PPP1R13B: variants seen among roughly 807,000 people sequenced by gnomAD.
The protein encoded by PPP1R13B is apoptosis-stimulating of p53 protein 1.
A neutral mutation model predicts 119.8 loss-of-function variants in PPP1R13B; 44 were observed. The observed-to-expected ratio is 0.37, with a 90% CI of 0.29 to 0.47. PPP1R13B has a LOEUF of 0.47. Ranked by LOEUF, PPP1R13B falls within the 20% of genes least tolerant of loss-of-function variation. PPP1R13B has a pLI of 0.99. For missense variants in PPP1R13B, 1,227 were observed against 1,413.5 expected, an observed-to-expected ratio of 0.87 and a Z score of 2.12; for synonymous variants, 542 against 561.5, an observed-to-expected ratio of 0.97 and a Z score of 0.49.
chr14:103,793,736 TG>T (rs1291295696), intron 2 of PPP1R13B, among the ~76,000 whole-genome samples: 1 of 152,076 alleles, frequency 6.6e-6, no homozygotes, highest in East Asian at 1.9e-4. Flanking sequence ...AAGATAAAAA[TG>T]GAAGGTTTTA....
At position 103,741,980 on chromosome 14, in the gene PPP1R13B, C is replaced by T. The variant is rs768771895; in HGVS notation, c.1632G>A (p.Lys544=). 20 of 1,614,150 alleles carry T rather than the reference C, an allele frequency of 1.2e-5. No individual in the cohort carries two copies. The highest frequency in any genetic ancestry group is 1.6e-5 in the Non-Finnish European group (19 of 1,180,056). ...GPPAFPAGDS[K]PELPLTVAIR... The stretch of plus-strand genomic sequence containing the variant: ...TGGCCACTGTCAGTGGGAGTTCAGG[C>T]TTGCTGTCCCCAGCTGGAAATGCAG... The change falls in exon 11 of 17, where the codon AAG becomes AAA. Residue 544 remains lysine, a synonymous_variant. Transcript: ENST00000202556.
chr14:103,769,279 C>T (rs2085009921), intron 4 of PPP1R13B, among the ~76,000 whole-genome samples: 1 of 151,746 alleles, frequency 6.6e-6, no homozygotes, highest in African/African-American at 2.4e-5. Context: ...TTAGTAGAGA[C>T]GGGGCTTTAC....
intron 1 of PPP1R13B, among the ~76,000 whole-genome samples, chr14:103,825,190 G>A (rs1251117061): frequency 6.6e-6 from 1 of 152,156 alleles, no homozygotes; most frequent in East Asian, 1.9e-4. Flanking sequence ...TAAGTGTTGT[G>A]TGTGTTCTGA....
intron 1 of PPP1R13B, among the ~76,000 whole-genome samples, chr14:103,833,814 T>C (rs8005225): frequency 0.45 from 67,663 of 151,914 alleles, 15,579 homozygotes; most frequent in African/African-American, 0.56. Flanking sequence ...CTGCACCTTG[T>C]ATCCTGACTT....
chr14:103,797,982 T>C (rs1418787129), intron 1 of PPP1R13B, among the ~76,000 whole-genome samples: 3 of 152,046 alleles, frequency 2.0e-5, no homozygotes, highest in Non-Finnish European at 4.4e-5. Context: ...AAGTTCCTAA[T>C]AGATCAAATA....
Position 103,844,314 on chromosome 14 carries a change from G to C in PPP1R13B, c.9+2985C>G, listed in dbSNP as rs572771124. On this transcript the variant is annotated intron_variant, in intron 1 of 16. Transcript: ENST00000202556. ...GGTGGAAAGTCACAGCACTTTGTACGACAGCAAATAGAAGACTTCTACAGA... is the reference window on the plus strand; with the variant it reads ...GGTGGAAAGTCACAGCACTTTGTACCACAGCAAATAGAAGACTTCTACAGA... 2.6e-5 allele frequency among the ~76,000 whole-genome samples: 4 copies of C among 151,926 alleles called. No individual in the cohort carries two copies. In the East Asian group the frequency reaches 5.8e-4, roughly 22 times the overall value.
At position 103,833,293 on chromosome 14, in the gene PPP1R13B, C is replaced by A. The variant is rs563242535; in HGVS notation, c.9+14006G>T. On this transcript the variant is annotated intron_variant, in intron 1 of 16. Coordinates refer to ENST00000202556, the MANE Select transcript of PPP1R13B (RefSeq NM_015316.3). Reference sequence around the variant, plus strand: ...CTCTTACCTCCTTTGGCCTCATATCCTAGGCAACTTCCCTCAACATACCAT... The same window carrying A: ...CTCTTACCTCCTTTGGCCTCATATCATAGGCAACTTCCCTCAACATACCAT... Among the ~76,000 whole-genome samples the A allele has an allele frequency of 2.0e-5, 3 of 152,240 alleles. 1 individual carries two copies. The South Asian group carries it at 6.2e-4, about 32-fold the overall frequency.
chr14:103,754,857 G>A (rs1223181926), intron 5 of PPP1R13B, among the ~76,000 whole-genome samples: 1 of 151,606 alleles, frequency 6.6e-6, no homozygotes, highest in African/African-American at 2.4e-5. Context: ...TCGGCTCACT[G>A]CAAGCTCTGC....
intron 5 of PPP1R13B, among the ~76,000 whole-genome samples, chr14:103,755,813 C>G (rs1189674069): frequency 1.3e-5 from 2 of 152,134 alleles, no homozygotes; most frequent in Admixed American, 1.3e-4. Flanking sequence ...TCTTAGAAAT[C>G]TTATTAATGG....
intron 1 of PPP1R13B, among the ~76,000 whole-genome samples, chr14:103,841,398 G>A (rs958709600): frequency 6.6e-6 from 1 of 150,994 alleles, no homozygotes; most frequent in Non-Finnish European, 1.5e-5. Context: ...GACCAGCCTG[G>A]CCAACGCGGT....
At chr14:103,819,845 T>C (rs2086365907) in intron 1 of PPP1R13B, among the ~76,000 whole-genome samples, 1 of 152,200 alleles carries the variant, frequency 6.6e-6, no homozygotes. Context: ...AGTTGGTTTC[T>C]GCCACTTGAA....
At chr14:103,829,898 C>T (rs1001678021) in intron 1 of PPP1R13B, among the ~76,000 whole-genome samples, 2 of 152,048 alleles carry the variant, frequency 1.3e-5, no homozygotes, top group African/African-American at 4.8e-5. Flanking sequence ...CCCGAGTCAG[C>T]CTCCCAAGTA....
intron 2 of PPP1R13B, among the ~76,000 whole-genome samples, chr14:103,789,007 C>G (rs116904490): frequency 4.3e-4 from 65 of 152,150 alleles, no homozygotes; most frequent in Middle Eastern, 3.4e-3. Flanking sequence ...ATTAGCTTCT[C>G]CCTCCAGAAA....
At chr14:103,799,689 A>G (rs1473098642) in intron 1 of PPP1R13B, among the ~76,000 whole-genome samples, 1 of 151,772 alleles carries the variant, frequency 6.6e-6, no homozygotes, top group African/African-American at 2.4e-5. Context: ...TATTGGAAGG[A>G]AATTTTTTTT....
At chr14:103,834,947 T>C (rs895872857) in intron 1 of PPP1R13B, among the ~76,000 whole-genome samples, 6 of 152,100 alleles carry the variant, frequency 3.9e-5, no homozygotes, top group South Asian at 4.2e-4. Flanking sequence ...ATTAACTTAA[T>C]AGATTTTGCA....
chr14:103,763,994 C>T (rs985407851), intron 4 of PPP1R13B: 1 of 152,258 alleles, frequency 6.6e-6, no homozygotes, highest in Non-Finnish European at 1.5e-5. Context: ...CAGATGGATA[C>T]ACCACAATTT....
At chr14:103,771,479 T>C (rs1248472512) in intron 4 of PPP1R13B, among the ~76,000 whole-genome samples, 2 of 145,704 alleles carry the variant, frequency 1.4e-5, no homozygotes, top group Non-Finnish European at 3.0e-5. Context: ...ACACTTCTTT[T>C]TTTTTTTTTT....
chr14:103,775,185 C>T (rs2152009878), intron 4 of PPP1R13B, among the ~76,000 whole-genome samples: 1 of 152,290 alleles, frequency 6.6e-6, no homozygotes, highest in East Asian at 1.9e-4. Context: ...TTCTTCAACA[C>T]ACGGCCTACT....
intron 1 of PPP1R13B, among the ~76,000 whole-genome samples, chr14:103,832,832 ATTAGCTGGG>A (rs998370314): frequency 1.3e-5 from 2 of 152,106 alleles, no homozygotes; most frequent in African/African-American, 4.8e-5. Context: ...AAATACAAAA[ATTAGCTGGG>A]TGTGGTGATG....
Sources: gnomAD v4.1 joint callset for allele counts (sites outside exome capture counted in the v4.1 genomes callset) on GRCh38, gnomAD v4.1.1 for gene constraint, MANE v1.5 for transcripts, NCBI Gene and HGNC (gene_info 2026-07-23, HGNC 2026-07-21) for gene names.